GADL1: variants seen among roughly 807,000 people sequenced by gnomAD.
GADL1 encodes the protein acidic amino acid decarboxylase GADL1.
GADL1 carries 71 observed loss-of-function variants against 69.5 expected under a neutral mutation model. The observed-to-expected ratio is 1.02, with a 90% CI of 0.84 to 1.25. The LOEUF is 1.25. Ranked by LOEUF, GADL1 falls within the 50% of genes most tolerant of loss-of-function variation. GADL1 has a pLI of 0.00. For synonymous variants in GADL1, 254 were observed against 214.4 expected, an observed-to-expected ratio of 1.18 and a Z score of -1.62; for missense variants, 737 against 631.8, an observed-to-expected ratio of 1.17 and a Z score of -1.79.
At chr3:30,781,758 A>G (rs1040408296) in intron 13 of GADL1, among the ~76,000 whole-genome samples, 1 of 152,180 alleles carries the variant, frequency 6.6e-6, no homozygotes, top group Admixed American at 6.5e-5. Context: ...TTTGATGATT[A>G]AAGAGAAAAC....
At chr3:30,752,919 TCTG>T (rs1379882999) in intron 14 of GADL1, among the ~76,000 whole-genome samples, 1 of 151,890 alleles carries the variant, frequency 6.6e-6, no homozygotes, top group Non-Finnish European at 1.5e-5. Context: ...TGGTAGGGCT[TCTG>T]AATTCAGTTG....
At chr3:30,846,109 C>A (rs1575232229) in intron 6 of GADL1, among the ~76,000 whole-genome samples, 1 of 150,200 alleles carries the variant, frequency 6.7e-6, no homozygotes, top group African/African-American at 2.4e-5. Flanking sequence ...CTGAAAGCTT[C>A]AGAGAAGGAA....
chr3:30,797,135 T>A (rs1177105383), intron 12 of GADL1, among the ~76,000 whole-genome samples: 15 of 152,174 alleles, frequency 9.9e-5, no homozygotes, highest in Admixed American at 9.8e-4. Context: ...CTTCTTGGCC[T>A]TCTGTCATGG....
At chr3:30,858,400 A>T (rs1278607765) in intron 2 of GADL1, among the ~76,000 whole-genome samples, 3 of 152,016 alleles carry the variant, frequency 2.0e-5, no homozygotes, top group Admixed American at 6.6e-5. Context: ...GTTCCCAATA[A>T]AATTTGAAAT....
At chr3:30,846,299 G>A (rs547252022) in intron 6 of GADL1, among the ~76,000 whole-genome samples, 1 of 152,102 alleles carries the variant, frequency 6.6e-6, no homozygotes, top group South Asian at 2.1e-4. Context: ...CTCCCCACAG[G>A]TTTCATAAAT....
intron 11 of GADL1, among the ~76,000 whole-genome samples, chr3:30,828,281 T>C (rs1345836925): frequency 6.6e-6 from 1 of 151,776 alleles, no homozygotes; most frequent in East Asian, 1.9e-4. Context: ...GAAACGAAAA[T>C]GGGGCTAAGT....
intron 1 of GADL1, among the ~76,000 whole-genome samples, chr3:30,877,220 T>C (rs1435135401): frequency 1.3e-5 from 2 of 151,892 alleles, no homozygotes; most frequent in Non-Finnish European, 2.9e-5. Flanking sequence ...TGATCAATTG[T>C]AACATCTCTT....
At chr3:30,839,475 A>AG (rs1453011525) in intron 8 of GADL1, among the ~76,000 whole-genome samples, 2 of 140,136 alleles carry the variant, frequency 1.4e-5, no homozygotes, top group Non-Finnish European at 3.0e-5. Flanking sequence ...TCCTGAAAAA[A>AG]TACATTTAGC....
At chr3:30,883,818 G>A (rs969414505) in intron 1 of GADL1, among the ~76,000 whole-genome samples, 8 of 151,764 alleles carry the variant, frequency 5.3e-5, no homozygotes, top group Non-Finnish European at 8.8e-5. Context: ...ATTTCTTTTA[G>A]CAATATTTTG....
In GADL1 at chr3:30,778,391, G is replaced by C. The variant is rs192013741; in HGVS notation, c.1303-123C>G. The stretch of plus-strand genomic sequence containing the variant: ...TCATGTGTATAAAATTTTAACATCA[G>C]AATCTTATAGAGTAACAATCCCTTC... On this transcript the variant is annotated intron_variant, in intron 13 of 14. Transcript: ENST00000282538. 46 of 634,226 alleles carry C rather than the reference G, an allele frequency of 7.3e-5. No individual in the cohort carries two copies. The African/African-American group carries it at 8.3e-4, about 11-fold the overall frequency. The allele number at this position is 634,226 out of a possible 1,614,324, so 39.3% of individuals were successfully genotyped here.
chr3:30,847,739 T>C (rs1344292109), intron 6 of GADL1, among the ~76,000 whole-genome samples: 1 of 152,210 alleles, frequency 6.6e-6, no homozygotes, highest in Non-Finnish European at 1.5e-5. Flanking sequence ...CTCCAGCTTC[T>C]GCTGACATGT....
intron 11 of GADL1, among the ~76,000 whole-genome samples, chr3:30,810,546 C>T (rs370926119): frequency 3.9e-5 from 6 of 152,184 alleles, no homozygotes; most frequent in Admixed American, 2.6e-4. Flanking sequence ...ATACATTTGA[C>T]GTTTTTGTGG....
rs1473316817 is a variant in GADL1 at position 30,727,958 on chromosome 3, A to C, written c.*284T>G. 1 of 250,180 alleles carries C rather than the reference A, an allele frequency of 4.0e-6. No homozygotes were observed. The highest frequency in any genetic ancestry group is 7.6e-6 in the Non-Finnish European group (1 of 130,772). The allele number at this position is 250,180 out of a possible 1,614,324, so 15.5% of individuals were successfully genotyped here. A position where few individuals can be genotyped will look rare whatever the true frequency, so the allele number is the denominator to read the frequency against. On this transcript the variant is annotated 3_prime_UTR_variant, in exon 15 of 15. Transcript: ENST00000282538. The stretch of plus-strand genomic sequence containing the variant: ...GAGCAATGTAAGCTTAGAATCCAGA[A>C]CCTACATGGTACTTACTAAACTCTC...
rs1327814046 is a variant in GADL1 at position 30,789,440 on chromosome 3, TG to T, written c.1251-3035del. Among the ~76,000 whole-genome samples, 4 of 152,328 alleles carry T rather than the reference TG, an allele frequency of 2.6e-5. No individual in the cohort carries two copies. The East Asian group carries it at 7.7e-4, about 29-fold the overall frequency. ...AGGCAGAGTAAGTTTAGCGTAAATC[TG>T]AAGAGTCTTAGAATTTTCAGAATGG... On this transcript the variant is annotated intron_variant, in intron 12 of 14. Transcript: ENST00000282538.
chr3:30,849,780 GAC>G (rs1289599551), intron 6 of GADL1, among the ~76,000 whole-genome samples: 6 of 152,022 alleles, frequency 3.9e-5, no homozygotes, highest in Non-Finnish European at 5.9e-5. Context: ...TGTTGTTACA[GAC>G]TATAAATTTT....
At chr3:30,776,135 T>C (rs1214202078) in intron 14 of GADL1, among the ~76,000 whole-genome samples, 1 of 152,212 alleles carries the variant, frequency 6.6e-6, no homozygotes, top group Non-Finnish European at 1.5e-5. Context: ...TATATATCCA[T>C]ACTCAATTTC....
chr3:30,780,426 G>C (rs1326126178), intron 13 of GADL1, among the ~76,000 whole-genome samples: 1 of 152,144 alleles, frequency 6.6e-6, no homozygotes, highest in Non-Finnish European at 1.5e-5. Context: ...TGTGGTGGCT[G>C]CTCTCTATAT....
chr3:30,771,153 G>T (rs1252868006), intron 14 of GADL1, among the ~76,000 whole-genome samples: 1 of 152,160 alleles, frequency 6.6e-6, no homozygotes, highest in South Asian at 2.1e-4. Flanking sequence ...AAAAGAGATT[G>T]AGCATAAAAG....
In GADL1 at chr3:30,822,938, G is replaced by A. The variant is rs563378610; in HGVS notation, c.1050+10915C>T. The stretch of plus-strand genomic sequence containing the variant: ...ATATTTTCAGGTTGAATGAAAGGCT[G>A]AATAAACAAATGCTTATTTCCAGTG... On this transcript the variant is annotated intron_variant, in intron 11 of 14. Coordinates refer to ENST00000282538, the MANE Select transcript of GADL1 (RefSeq NM_207359.3). Among the ~76,000 whole-genome samples, 11 of 152,108 alleles carry A rather than the reference G, an allele frequency of 7.2e-5. No individual in the cohort carries two copies. In the East Asian group the frequency reaches 1.2e-3, roughly 16 times the overall value.
Sources: allele counts gnomAD v4.1 joint callset (sites outside exome capture counted in the v4.1 genomes callset), GRCh38; gene constraint gnomAD v4.1.1; transcripts MANE v1.5; gene names NCBI Gene and HGNC (gene_info 2026-07-23, HGNC 2026-07-21).